MYL11: variants seen among roughly 807,000 people sequenced by gnomAD.
The protein encoded by MYL11 is myosin regulatory light chain 11.
the MYL11 span, chr16:30,374,848 G>A: frequency 6.2e-7 from 1 of 1,613,556 alleles, no homozygotes; most frequent in East Asian, 2.2e-5. Flanking sequence ...GCCCCCCGGA[G>A]ACTGAAGACA....
At chr16:30,377,911 G>T in the MYL11 span, 1 of 1,598,336 alleles carries the variant, frequency 6.3e-7, no homozygotes, top group South Asian at 1.1e-5. Flanking sequence ...GGGCACCCGC[G>T]GGCCTCCGCT....
At chr16:30,372,761 C>A in the MYL11 span, 3 of 149,564 alleles carry the variant, frequency 2.0e-5, no homozygotes, top group African/African-American at 4.9e-5. Flanking sequence ...CTGCATGAAA[C>A]CTTTCCAAGG....
chr16:30,377,830 T>A, the MYL11 span: 8 of 1,613,976 alleles, frequency 5.0e-6, no homozygotes, highest in Admixed American at 1.7e-5. Context: ...CCCCCCGACG[T>A]GGGCGGCAAC....
the MYL11 span, among the ~76,000 whole-genome samples, chr16:30,371,240 A>G: frequency 2.6e-5 from 4 of 152,160 alleles, no homozygotes; most frequent in Non-Finnish European, 5.9e-5. Flanking sequence ...GACAGCACGG[A>G]GAAGGGGCGG....
At chr16:30,373,283 G>A in the MYL11 span, among the ~76,000 whole-genome samples, 6 of 151,804 alleles carry the variant, frequency 4.0e-5, no homozygotes, top group Non-Finnish European at 5.9e-5. Flanking sequence ...ATGGTGAAAC[G>A]CCATCTCTAC....
the MYL11 span, chr16:30,376,024 C>A: frequency 6.7e-7 from 1 of 1,484,372 alleles, no homozygotes. Flanking sequence ...TTCCTTCCTC[C>A]CCTCTCTGCT....
At chr16:30,372,265 T>A in the MYL11 span, 1 of 152,574 alleles carries the variant, frequency 6.6e-6, no homozygotes, top group Non-Finnish European at 1.5e-5. Context: ...TGTGGGAGGC[T>A]AAGGGCAGCT....
chr16:30,376,616 A>C, the MYL11 span: 16 of 1,614,046 alleles, frequency 9.9e-6, no homozygotes, highest in South Asian at 1.4e-4. Flanking sequence ...TCTGACCCCC[A>C]CAGGTGCCGA....
chr16:30,377,925 C>G, the MYL11 span: 1 of 1,588,672 alleles, frequency 6.3e-7, no homozygotes, highest in Non-Finnish European at 8.6e-7. Context: ...CTCCGCTGCC[C>G]GACGCTTCTG....
the MYL11 span, chr16:30,377,953 C>A: frequency 6.6e-7 from 1 of 1,512,294 alleles, no homozygotes; most frequent in South Asian, 1.2e-5. Context: ...CGACCTCCAC[C>A]CCGGCTCCCA....
chr16:30,375,979 T>A, the MYL11 span: 108 of 1,552,084 alleles, frequency 7.0e-5, 2 homozygotes, highest in South Asian at 1.1e-3. Context: ...CTCCCTGGAA[T>A]GTGCACCTGC....
the MYL11 span, among the ~76,000 whole-genome samples, chr16:30,371,990 C>T: frequency 6.6e-6 from 1 of 152,204 alleles, no homozygotes; most frequent in Non-Finnish European, 1.5e-5. Context: ...CTTCTCAGCT[C>T]CTCCTTGGTT....
At chr16:30,377,801 G>A in the MYL11 span, 3 of 1,614,134 alleles carry the variant, frequency 1.9e-6, no homozygotes, top group Non-Finnish European at 2.5e-6. Flanking sequence ...CCCAGATCAA[G>A]AACATGTGGG....
At chr16:30,377,540 T>C in the MYL11 span, 9 of 1,139,478 alleles carry the variant, frequency 7.9e-6, no homozygotes, top group African/African-American at 3.1e-5. Context: ...ATGAAGGAAG[T>C]AGAGTGACCT....
chr16:30,375,665 G>A, the MYL11 span, among the ~76,000 whole-genome samples: 1 of 152,032 alleles, frequency 6.6e-6, no homozygotes, highest in Non-Finnish European at 1.5e-5. Context: ...ATCAAAGCAA[G>A]CCCCCTCAGC....
the MYL11 span, chr16:30,374,927 G>C: frequency 6.4e-7 from 1 of 1,571,938 alleles, no homozygotes; most frequent in East Asian, 2.3e-5. Flanking sequence ...CCCTTTGAAA[G>C]AAAGTAGCTG....
the MYL11 span, chr16:30,377,974 A>G: frequency 7.6e-6 from 11 of 1,444,142 alleles, no homozygotes; most frequent in South Asian, 7.3e-5. Context: ...ATAAAATTTA[A>G]CTGATCTTTG....
the MYL11 span, chr16:30,374,689 G>A: frequency 2.8e-6 from 2 of 703,366 alleles, no homozygotes; most frequent in Non-Finnish European, 4.4e-6. Context: ...GAGAGGCCCT[G>A]AGTTGGGCTA....
the MYL11 span, chr16:30,377,501 G>A: frequency 1.5e-6 from 1 of 675,382 alleles, no homozygotes; most frequent in East Asian, 3.1e-5. Flanking sequence ...TGTGGGCGGA[G>A]AGGGCAAAAG....
Sources: gnomAD v4.1 joint callset for allele counts (sites outside exome capture counted in the v4.1 genomes callset) on GRCh38, gnomAD v4.1.1 for gene constraint, MANE v1.5 for transcripts, NCBI Gene and HGNC (gene_info 2026-07-23, HGNC 2026-07-21) for gene names.